MYO1D: variants seen among roughly 807,000 people sequenced by gnomAD.
MYO1D encodes unconventional myosin-Id.
MYO1D carries 83 observed loss-of-function variants against 122.0 expected under a neutral mutation model. The observed-to-expected ratio is 0.68, with a 90% CI of 0.57 to 0.82. The LOEUF (loss-of-function observed/expected upper bound fraction) is 0.82, where lower values mean the gene tolerates loss of function less well. MYO1D is among the 40% of genes least tolerant of loss of function. The pLI, the probability that MYO1D is intolerant of heterozygous loss-of-function variation, is 0.00. For synonymous variants in MYO1D, 464 were observed against 446.9 expected (o/e 1.04, Z -0.48); for missense variants, 1,157 against 1,269.5 (o/e 0.91, Z 1.35).
chr17:32,578,867 A>T (rs912538836), intron 21 of MYO1D, among the ~76,000 whole-genome samples: 18 of 152,042 alleles, frequency 1.2e-4, no homozygotes, highest in African/African-American at 4.3e-4. Context: ...TTCACTCTAC[A>T]TGTTTCCTTG....
At chr17:32,723,132 A>C (rs1180630508) in intron 14 of MYO1D, among the ~76,000 whole-genome samples, 2 of 152,122 alleles carry the variant, frequency 1.3e-5, no homozygotes, top group Admixed American at 1.3e-4. Context: ...CCCTGATTCC[A>C]GGGGGACAGA....
intron 21 of MYO1D, chr17:32,594,120 TAA>T (rs1298311891): frequency 6.5e-6 from 1 of 153,464 alleles, no homozygotes; most frequent in East Asian, 1.9e-4. Context: ...CCCTTGAAAT[TAA>T]AAAAGGTCAT....
At chr17:32,627,593 T>C (rs182854218) in intron 20 of MYO1D, 2 of 152,124 alleles carry the variant, frequency 1.3e-5, no homozygotes, top group Non-Finnish European at 2.9e-5. Flanking sequence ...GATAATTGTC[T>C]CTTTTCTCTC....
At chr17:32,658,215 C>T (rs1444979479) in intron 17 of MYO1D, among the ~76,000 whole-genome samples, 1 of 152,022 alleles carries the variant, frequency 6.6e-6, no homozygotes, top group East Asian at 1.9e-4. Context: ...TTGATACCTT[C>T]CATCAATTAT....
intron 1 of MYO1D, among the ~76,000 whole-genome samples, chr17:32,807,922 A>T (rs2090532080): frequency 6.6e-6 from 1 of 152,214 alleles, no homozygotes; most frequent in Non-Finnish European, 1.5e-5. Context: ...TTCCTAAATA[A>T]CAGCATAGAT....
At chr17:32,813,626 G>A (rs1455653134) in intron 1 of MYO1D, among the ~76,000 whole-genome samples, 2 of 152,304 alleles carry the variant, frequency 1.3e-5, no homozygotes, top group South Asian at 2.1e-4. Context: ...ACAAGGCACA[G>A]AAAGGACAGT....
chr17:32,536,876 T>G (rs575662681), intron 21 of MYO1D, among the ~76,000 whole-genome samples: 1 of 152,296 alleles, frequency 6.6e-6, no homozygotes, highest in Non-Finnish European at 1.5e-5. Flanking sequence ...ATGAATTGCA[T>G]CCTTTCACAG....
At chr17:32,740,566 C>A (rs1598055359) in intron 13 of MYO1D, among the ~76,000 whole-genome samples, 1 of 152,160 alleles carries the variant, frequency 6.6e-6, no homozygotes, top group Non-Finnish European at 1.5e-5. Flanking sequence ...GCAGCCTCGA[C>A]CTTCCAGGCT....
intron 20 of MYO1D, among the ~76,000 whole-genome samples, chr17:32,619,537 G>A (rs1597940517): frequency 6.6e-6 from 1 of 152,134 alleles, no homozygotes; most frequent in East Asian, 1.9e-4. Flanking sequence ...AGAATCACAG[G>A]GAAGACTGTG....
At chr17:32,566,099 T>C (rs144018493) in intron 21 of MYO1D, among the ~76,000 whole-genome samples, 46 of 152,226 alleles carry the variant, frequency 3.0e-4, no homozygotes, top group African/African-American at 9.6e-4. Flanking sequence ...TATATATTCA[T>C]TCAACACATA....
chr17:32,813,551 C>G (rs182065317), intron 1 of MYO1D, among the ~76,000 whole-genome samples: 1 of 152,012 alleles, frequency 6.6e-6, no homozygotes, highest in Non-Finnish European at 1.5e-5. Context: ...GGAACAGAGG[C>G]TGAGAGGCTT....
chr17:32,560,501 TA>T (rs1166077785), intron 21 of MYO1D, among the ~76,000 whole-genome samples: 2 of 87,984 alleles, frequency 2.3e-5, no homozygotes, highest in East Asian at 3.3e-4. Context: ...GATATTTAAG[TA>T]AAAAAAAAGT....
chr17:32,676,225 T>C (rs2150963339), intron 16 of MYO1D, among the ~76,000 whole-genome samples: 1 of 152,274 alleles, frequency 6.6e-6, no homozygotes, highest in Admixed American at 6.5e-5. Flanking sequence ...ACCATATAAA[T>C]AGTTTAAAAG....
intron 20 of MYO1D, among the ~76,000 whole-genome samples, chr17:32,629,775 A>G (rs1352084908): frequency 6.6e-6 from 1 of 151,740 alleles, no homozygotes; most frequent in Non-Finnish European, 1.5e-5. Flanking sequence ...AAGAGGGCGG[A>G]AAGAAAAGGT....
rs2089507731 is a variant in MYO1D, at chr17:32,721,275, G to A, written c.1747-86C>T. ...CTAACATGTAATTAGTGTTAATTGT[G>A]TCAAGTTAAGCTCAGTGCCTCTAAT... On this transcript the variant is annotated intron_variant, in intron 14 of 21. Transcript: ENST00000318217. 2.4e-6 allele frequency: 3 copies of A among 1,267,876 alleles called. No homozygotes were observed. In the East Asian group the frequency reaches 7.0e-5, roughly 30 times the overall value. 78.5% of individuals were successfully genotyped at this position (1,267,876 alleles called of 1,614,324 possible). A position where few individuals can be genotyped will look rare whatever the true frequency, so the allele number is the denominator to read the frequency against.
chr17:32,699,330 A>C (rs936351647), intron 16 of MYO1D, among the ~76,000 whole-genome samples: 24 of 152,218 alleles, frequency 1.6e-4, no homozygotes, highest in African/African-American at 4.1e-4. Context: ...AATCATAATT[A>C]ATATTACATA....
intron 13 of MYO1D, among the ~76,000 whole-genome samples, chr17:32,743,285 T>C (rs1320983202): frequency 6.6e-6 from 1 of 152,214 alleles, no homozygotes; most frequent in African/African-American, 2.4e-5. Context: ...TGTGAATTTA[T>C]ATCTCTAGCC....
intron 20 of MYO1D, among the ~76,000 whole-genome samples, chr17:32,632,078 T>C (rs982515915): frequency 6.7e-6 from 1 of 149,076 alleles, no homozygotes. Context: ...CTCCTAAAGC[T>C]TGCACCCAAT....
At chr17:32,561,945 T>TA (rs1270563290) in intron 21 of MYO1D, among the ~76,000 whole-genome samples, 1 of 151,858 alleles carries the variant, frequency 6.6e-6, no homozygotes, top group African/African-American at 2.4e-5. Context: ...TTCAAAGCAG[T>TA]AAAAACAAAA....
Sources: allele counts gnomAD v4.1 joint callset (sites outside exome capture counted in the v4.1 genomes callset), GRCh38; gene constraint gnomAD v4.1.1; transcripts MANE v1.5; gene names NCBI Gene and HGNC (gene_info 2026-07-23, HGNC 2026-07-21).